The following TLCD5 variants were observed in gnomAD, a reference collection of about 807,000 sequenced individuals.
The protein encoded by TLCD5 is TLC domain-containing protein 5.
In TLCD5, 15 loss-of-function variants were observed where a neutral mutation model predicts 20.5. The ratio of observed to expected loss-of-function variants is 0.73; its 90% CI spans 0.49 to 1.13. The LOEUF is 1.13. Ranked by LOEUF, TLCD5 falls within the 50% of genes most tolerant of loss-of-function variation. The pLI, the probability that TLCD5 is intolerant of heterozygous loss-of-function variation, is 0.00. For missense variants in TLCD5, 289 were observed against 305.6 expected, an observed-to-expected ratio of 0.95 and a Z score of 0.41; for synonymous variants, 107 against 114.7, an observed-to-expected ratio of 0.93 and a Z score of 0.43.
rs1355579559 is a variant in TLCD5 at position 120,333,586 on chromosome 11, G to T, written c.*3071G>T. 6.6e-6 allele frequency: 1 copy of T among 152,166 alleles called. No homozygotes were observed. Among genetic ancestry groups the T allele is most frequent in the Non-Finnish European group, 1.5e-5 (1 of 68,040 alleles). The allele number at this position is 152,166 out of a possible 1,614,324, so 9.4% of individuals were successfully genotyped here. A position where few individuals can be genotyped will look rare whatever the true frequency, so the allele number is the denominator to read the frequency against. On this transcript the variant is annotated 3_prime_UTR_variant, in exon 3 of 3. Transcript: ENST00000375095. This position sits in a 1 kb window ranked among gnomAD's most constrained non-coding sequence, Gnocchi z 4.5. ...CAAAATGAAGTACTCATTTGCACTG[G>T]ATTACTGTGTAATGATAACGAACAC...
At chr11:120,328,678 AGT>A (rs36145001) in intron 2 of TLCD5, among the ~76,000 whole-genome samples, 3,565 of 22,894 alleles carry the variant, frequency 0.16, 5 homozygotes, top group East Asian at 0.4. Flanking sequence ...TAACAGTCAT[AGT>A]GTGTGTGTGT....
Position 120,327,570 on chromosome 11 carries a change from T to C in TLCD5, c.129T>C (p.His43=). Residue 43 remains histidine, a synonymous_variant, in exon 2 of 3, where the codon CAT becomes CAC. Transcript: ENST00000375095. ...GCTGCCGCCTGGTCACCTTCACCCA[T>C]GGAGTCCTCTCTATAGGCCTCTCCG... The part of the protein sequence containing the change: ...EWSCRLVTFT[H]GVLSIGLSAY... The C allele has an allele frequency of 6.2e-7, 1 of 1,614,204 alleles. No homozygotes were observed.
chr11:120,327,213 G>C, intron 1 of TLCD5: 2 of 714,188 alleles, frequency 2.8e-6, no homozygotes, highest in South Asian at 3.9e-5. Context: ...CTGGTTTCCA[G>C]TTTACAACAT....
rs11217821 is a variant in TLCD5 at position 120,331,390 on chromosome 11, T to C, written c.*875T>C. ...TCTACTGGACAAGGTCACTACAGAC[T>C]CAGTGCCCAAAGTTTTTACTGAGGA... is the stretch of plus-strand genomic sequence containing the variant. On this transcript the variant is annotated 3_prime_UTR_variant, in exon 3 of 3. Coordinates refer to ENST00000375095, the MANE Select transcript of TLCD5 (RefSeq NM_001198671.2). This position sits in a 1 kb window ranked among gnomAD's most constrained non-coding sequence, Gnocchi z 4.5. 63,910 of 152,044 alleles carry C rather than the reference T, an allele frequency of 0.42. 13,842 individuals carry two copies. Among genetic ancestry groups the C allele is most frequent in the African/African-American group, 0.51 (21,294 of 41,460 alleles). 9.4% of individuals were successfully genotyped at this position (152,044 alleles called of 1,614,324 possible). A position where few individuals can be genotyped will look rare whatever the true frequency, so the allele number is the denominator to read the frequency against.
Position 120,330,605 on chromosome 11 carries a change from A to C in TLCD5, c.*90A>C. The C allele has an allele frequency of 7.0e-7, 1 of 1,420,998 alleles. No individual in the cohort carries two copies. Among genetic ancestry groups the C allele is most frequent in the Non-Finnish European group, 9.4e-7 (1 of 1,067,080 alleles). The allele number at this position is 1,420,998 out of a possible 1,614,324, so 88.0% of individuals were successfully genotyped here. On this transcript the variant is annotated 3_prime_UTR_variant, in exon 3 of 3. Transcript: ENST00000375095. ...CTGTTACATAATTACACTTATAACA[A>C]ACTTAGGTTTCAATAAAGGGCTAAA...
chr11:120,328,204 C>G (rs530439923), intron 2 of TLCD5, among the ~76,000 whole-genome samples: 3 of 151,986 alleles, frequency 2.0e-5, no homozygotes, highest in African/African-American at 7.3e-5. Context: ...CTCAGCCTCC[C>G]GAGTAGCTGG....
Position 120,330,021 on chromosome 11 carries a change from T to G in TLCD5, c.244T>G (p.Leu82Val), listed in dbSNP as rs767991910. The change falls in exon 3 of 3, where the codon TTG becomes GTG. Residue 82 changes from leucine (L) to valine (V), a missense_variant. Coordinates refer to ENST00000375095, the MANE Select transcript of TLCD5 (RefSeq NM_001198671.2). ...PLQVHVLCLT[L>V]GYFIFDLGWC... ...CCAAGTTCATGTCCTGTGTCTCACC[T>G]TGGGCTACTTCATCTTCGACTTGGG... 1.2e-6 allele frequency: 2 copies of G among 1,614,196 alleles called. No homozygotes were observed. Among genetic ancestry groups the G allele is most frequent in the Admixed American group, 3.3e-5 (2 of 60,032 alleles).
In TLCD5 at chr11:120,330,841, G is replaced by T. The variant is rs1380612854; in HGVS notation, c.*326G>T. 9.2e-6 allele frequency: 2 copies of T among 218,412 alleles called. No individual in the cohort carries two copies. The highest frequency in any genetic ancestry group is 2.0e-4 in the East Asian group (2 of 10,070). 13.5% of individuals were successfully genotyped at this position (218,412 alleles called of 1,614,324 possible). A position where few individuals can be genotyped will look rare whatever the true frequency, so the allele number is the denominator to read the frequency against. On this transcript the variant is annotated 3_prime_UTR_variant, in exon 3 of 3. Transcript: ENST00000375095. ...GGAGGTTTGATGTTCAGGCAGTTTAGAAAGGAACTCGAAAAAGATTAGTGC... is the reference window on the plus strand; with the variant it reads ...GGAGGTTTGATGTTCAGGCAGTTTATAAAGGAACTCGAAAAAGATTAGTGC...
rs1023824357 is a variant in TLCD5, at chr11:120,328,180, C to T, written c.199+540C>T. On this transcript the variant is annotated intron_variant, in intron 2 of 2. Transcript: ENST00000375095. ...CAGCAAGCTCCGCCTCCCAGGATCA[C>T]GCCATTCTCCTGCCTCAGCCTCCCG... Among the ~76,000 whole-genome samples, 19 of 151,984 alleles carry T rather than the reference C, an allele frequency of 1.3e-4. No individual in the cohort carries two copies. In the East Asian group the frequency reaches 2.9e-3, roughly 23 times the overall value.
rs1942172570 is a variant in TLCD5, at chr11:120,332,299, G to T, written c.*1784G>T. On this transcript the variant is annotated 3_prime_UTR_variant, in exon 3 of 3. Transcript: ENST00000375095. The surrounding 1 kb of genome is among the most constrained non-coding windows in gnomAD (Gnocchi z 4.2). Reference sequence around the variant, plus strand: ...AGTATATTTCATAAATACATTATGTGGCATTTTATTAATGGAGGTCTTTAA... The same window carrying T: ...AGTATATTTCATAAATACATTATGTTGCATTTTATTAATGGAGGTCTTTAA... The T allele has an allele frequency of 6.6e-6, 1 of 152,116 alleles. No homozygotes were observed. The highest frequency in any genetic ancestry group is 1.5e-5 in the Non-Finnish European group (1 of 68,030). The allele number at this position is 152,116 out of a possible 1,614,324, so 9.4% of individuals were successfully genotyped here.
intron 2 of TLCD5, 34 bp from the exon 3 acceptor site, chr11:120,329,943 T>C (rs749359675): frequency 7.6e-6 from 12 of 1,582,838 alleles, no homozygotes; most frequent in Non-Finnish European, 1.0e-5. Flanking sequence ...CAATTCCCAG[T>C]CACTCAATTT....
At position 120,329,004 on chromosome 11, in the gene TLCD5, A is replaced by AGTGTGTGTGTGTGTGTGT. The variant is rs71301641; in HGVS notation, c.200-957_200-956insGTGTGTGTGTGTGTGTGT. ...AATCCCTTCTAAGGATAACAGTCAT[A>AGTGTGTGTGTGTGTGTGT]GTGTGTGTGTGTGTGTATGTGTTTG... On this transcript the variant is annotated intron_variant, in intron 2 of 2. Transcript: ENST00000375095. 6.8e-3 allele frequency among the ~76,000 whole-genome samples: 51 copies of AGTGTGTGTGTGTGTGTGT among 7,546 alleles called. 11 individuals are homozygous for AGTGTGTGTGTGTGTGTGT. Among genetic ancestry groups the AGTGTGTGTGTGTGTGTGT allele is most frequent in the African/African-American group, 0.024 (48 of 1,962 alleles). 5.0% of individuals were successfully genotyped at this position (7,546 alleles called of 152,430 possible). A position where few individuals can be genotyped will look rare whatever the true frequency, so the allele number is the denominator to read the frequency against.
At position 120,333,348 on chromosome 11, in the gene TLCD5, C is replaced by T. The variant is rs957223732; in HGVS notation, c.*2833C>T. On this transcript the variant is annotated 3_prime_UTR_variant, in exon 3 of 3. Coordinates refer to ENST00000375095, the MANE Select transcript of TLCD5 (RefSeq NM_001198671.2). This position sits in a 1 kb window ranked among gnomAD's most constrained non-coding sequence, Gnocchi z 4.5. ...TTGTTTTGGGGACACTTTCATGGAA[C>T]TGTATGTAGGTTTTTTTGAATGGTG... The T allele has an allele frequency of 6.6e-6, 1 of 152,142 alleles. No individual in the cohort carries two copies. The highest frequency in any genetic ancestry group is 2.4e-5 in the African/African-American group (1 of 41,422). The allele number at this position is 152,142 out of a possible 1,614,324, so 9.4% of individuals were successfully genotyped here.
chr11:120,326,388 CCT>C (rs1182997616), intron 1 of TLCD5, among the ~76,000 whole-genome samples: 1 of 152,136 alleles, frequency 6.6e-6, no homozygotes, highest in Non-Finnish European at 1.5e-5. Context: ...TTCATGAAGC[CCT>C]CTCTGGATAG....
chr11:120,333,444 C>G lies in TLCD5; in HGVS notation c.*2929C>G, dbSNP rs1398310896. On this transcript the variant is annotated 3_prime_UTR_variant, in exon 3 of 3. Coordinates refer to ENST00000375095, the MANE Select transcript of TLCD5 (RefSeq NM_001198671.2). The surrounding 1 kb of genome is among the most constrained non-coding windows in gnomAD (Gnocchi z 4.5). ...CTTTTCTTGATGTTGTTACTAATAA[C>G]TATGAAAAAACTTCTGAGAGAACAA... The G allele has an allele frequency of 6.6e-6, 1 of 152,058 alleles. No homozygotes were observed. Among genetic ancestry groups the G allele is most frequent in the Admixed American group, 6.6e-5 (1 of 15,250 alleles). The allele number at this position is 152,058 out of a possible 1,614,324, so 9.4% of individuals were successfully genotyped here.
At chr11:120,326,749 C>A (rs932645399) in intron 1 of TLCD5, among the ~76,000 whole-genome samples, 2 of 152,206 alleles carry the variant, frequency 1.3e-5, no homozygotes, top group African/African-American at 4.8e-5. Flanking sequence ...TAGATCTCAA[C>A]AAAAACTCCC....
intron 2 of TLCD5, among the ~76,000 whole-genome samples, chr11:120,329,681 A>T (rs943992546): frequency 6.6e-6 from 1 of 152,224 alleles, no homozygotes; most frequent in African/African-American, 2.4e-5. Context: ...ATTGGATTTT[A>T]TGCTGTTCCG....
rs67465966 is a variant in TLCD5, at chr11:120,329,080, T to TTGTG, written c.200-869_200-866dup. Among the ~76,000 whole-genome samples, 409 of 114,616 alleles carry TTGTG rather than the reference T, an allele frequency of 3.6e-3. 7 individuals carry two copies. Among genetic ancestry groups the TTGTG allele is most frequent in the Middle Eastern group, 0.02 (4 of 196 alleles). 75.2% of individuals were successfully genotyped at this position (114,616 alleles called of 152,430 possible). ...ATCCCTTCTAAGGATAACAGTCATA[T>TTGTG]TGTGTGTGTGTGTGTGTGTGTGTGT... On this transcript the variant is annotated intron_variant, in intron 2 of 2. Coordinates refer to ENST00000375095, the MANE Select transcript of TLCD5 (RefSeq NM_001198671.2).
chr11:120,327,723 T>G, intron 2 of TLCD5, 83 bp downstream of exon 2: 175 of 1,218,908 alleles, frequency 1.4e-4, no homozygotes, highest in Non-Finnish European at 1.7e-4. Context: ...ATTTGTACAA[T>G]ACTGAAGACT....
Sources: gnomAD v4.1 joint callset for allele counts (sites outside exome capture counted in the v4.1 genomes callset) on GRCh38, gnomAD v4.1.1 for gene constraint, Gnocchi (gnomAD v3.1) non-coding constraint, MANE v1.5 for transcripts, NCBI Gene and HGNC (gene_info 2026-07-23, HGNC 2026-07-21) for gene names.